TUSC3: variants seen among roughly 807,000 people sequenced by gnomAD.
The protein encoded by TUSC3 is tumor suppressor candidate 3.
In TUSC3, 45 loss-of-function variants were observed where a neutral mutation model predicts 44.8. That is an observed-to-expected ratio of 1.00 (90% CI 0.79 to 1.29). TUSC3 has a LOEUF of 1.29. Among genes scored for constraint, TUSC3 ranks in the 50% most tolerant of loss-of-function variants. The pLI, the probability that TUSC3 is intolerant of heterozygous loss-of-function variation, is 0.00. For missense variants in TUSC3, 519 were observed against 437.9 expected (o/e 1.19, Z -1.65); for synonymous variants, 212 against 152.9 (o/e 1.39, Z -2.85).
At chr8:15,500,601 T>A (rs756372340) in intron 2 of TUSC3, among the ~76,000 whole-genome samples, 1 of 152,202 alleles carries the variant, frequency 6.6e-6, no homozygotes, top group Non-Finnish European at 1.5e-5. Context: ...GAAAATGATG[T>A]AGGCACCAGT....
chr8:15,553,072 G>A (rs1802113243), intron 1 of TUSC3, among the ~76,000 whole-genome samples: 1 of 151,872 alleles, frequency 6.6e-6, no homozygotes, highest in East Asian at 1.9e-4. Flanking sequence ...TCTATTTATT[G>A]AAATAGGAAA....
chr8:15,847,162 G>A, the TUSC3 span, among the ~76,000 whole-genome samples: 2 of 152,306 alleles, frequency 1.3e-5, no homozygotes, highest in East Asian at 3.9e-4. Flanking sequence ...GGGACTGGAA[G>A]CAGGGAGAGG....
At chr8:15,661,756 A>T (rs186330689) in intron 4 of TUSC3, among the ~76,000 whole-genome samples, 1 of 151,860 alleles carries the variant, frequency 6.6e-6, no homozygotes, top group African/African-American at 2.4e-5. Context: ...AATGGGGGAA[A>T]ATATTTGCAA....
chr8:15,671,560 G>T (rs1349820243), intron 5 of TUSC3, among the ~76,000 whole-genome samples: 1 of 152,026 alleles, frequency 6.6e-6, no homozygotes, highest in African/African-American at 2.4e-5. Context: ...CACTACTTCA[G>T]ATGATTCTGT....
At chr8:15,503,811 T>C (rs1352462372) in intron 2 of TUSC3, among the ~76,000 whole-genome samples, 2 of 151,998 alleles carry the variant, frequency 1.3e-5, no homozygotes, top group African/African-American at 4.8e-5. Context: ...GAGACTAGCC[T>C]GGGCAGCATG....
In TUSC3 at chr8:15,673,777, A is replaced by G; in HGVS notation, c.739A>G (p.Met247Val). 1.2e-6 allele frequency: 2 copies of G among 1,612,870 alleles called. No homozygotes were observed. Among genetic ancestry groups the G allele is most frequent in the Non-Finnish European group, 1.7e-6 (2 of 1,179,160 alleles). Residue 247 changes from methionine to valine, a missense_variant, in exon 6 of 11, where the codon ATG (methionine) becomes GTG (valine). Coordinates refer to ENST00000503731, the MANE Select transcript of TUSC3 (RefSeq NM_006765.4). ...AGTCTTTGCTATGACTTCTGGCCAG[A>G]TGTGGAACCATATCCGTGGACCTCC... Reference protein sequence around the residue: ...CIVFAMTSGQMWNHIRGPPYA... With the variant: ...CIVFAMTSGQVWNHIRGPPYA...
chr8:15,563,698 A>AG (rs1802563926), intron 1 of TUSC3, among the ~76,000 whole-genome samples: 1 of 151,182 alleles, frequency 6.6e-6, no homozygotes, highest in Non-Finnish European at 1.5e-5. Context: ...AAAAAAAAAA[A>AG]AAAAAAAGAA....
chr8:15,778,492 A>T, the TUSC3 span, among the ~76,000 whole-genome samples: 3 of 152,088 alleles, frequency 2.0e-5, no homozygotes, highest in Non-Finnish European at 4.4e-5. Context: ...TAATACAAGC[A>T]TCTTTTCTCT....
chr8:15,797,647 T>C, the TUSC3 span, among the ~76,000 whole-genome samples: 1 of 152,278 alleles, frequency 6.6e-6, no homozygotes, highest in South Asian at 2.1e-4. Flanking sequence ...TTGTGGCAAA[T>C]GGCAGGGAAG....
the TUSC3 span, chr8:15,806,216 G>T: frequency 7.7e-6 from 4 of 520,854 alleles, no homozygotes; most frequent in Non-Finnish European, 1.5e-5. Flanking sequence ...TTTTATAAAT[G>T]GCTTCAATAA....
At chr8:15,451,894 G>C (rs1800200683) in intron 1 of TUSC3, among the ~76,000 whole-genome samples, 1 of 152,122 alleles carries the variant, frequency 6.6e-6, no homozygotes, top group African/African-American at 2.4e-5. Context: ...GTGACCAGAA[G>C]TGTTGTGAGA....
At chr8:15,516,068 A>G (rs1003794042) in intron 2 of TUSC3, among the ~76,000 whole-genome samples, 8 of 152,186 alleles carry the variant, frequency 5.3e-5, no homozygotes, top group Non-Finnish European at 1.2e-4. Flanking sequence ...AGAGGACTTC[A>G]GAAGAATGTA....
chr8:15,634,027 C>T (rs967114943), intron 2 of TUSC3, among the ~76,000 whole-genome samples: 4 of 152,144 alleles, frequency 2.6e-5, no homozygotes, highest in African/African-American at 9.7e-5. Flanking sequence ...GAGATCTCTA[C>T]TGTGATCCGA....
chr8:15,566,030 C>G (rs985932864), intron 1 of TUSC3, among the ~76,000 whole-genome samples: 2 of 152,066 alleles, frequency 1.3e-5, no homozygotes, highest in Non-Finnish European at 2.9e-5. Flanking sequence ...TTTAAACACA[C>G]CTGATTCAGA....
chr8:15,522,302 G>A (rs1428785592), intron 2 of TUSC3, among the ~76,000 whole-genome samples: 1 of 151,082 alleles, frequency 6.6e-6, no homozygotes, highest in East Asian at 1.9e-4. Flanking sequence ...GTGCTATCTT[G>A]GCTCACTGCA....
At chr8:15,556,194 C>A (rs1464743036) in intron 1 of TUSC3, among the ~76,000 whole-genome samples, 2 of 127,710 alleles carry the variant, frequency 1.6e-5, no homozygotes, top group Non-Finnish European at 3.2e-5. Flanking sequence ...GTGTGATATT[C>A]CCCTTCCTGT....
the TUSC3 span, among the ~76,000 whole-genome samples, chr8:15,851,895 C>T: frequency 6.6e-6 from 1 of 152,072 alleles, no homozygotes; most frequent in African/African-American, 2.4e-5. Flanking sequence ...GAGGATTCCC[C>T]CATACTGTTC....
At chr8:15,643,262 T>A (rs924501989) in intron 2 of TUSC3, among the ~76,000 whole-genome samples, 24 of 152,308 alleles carry the variant, frequency 1.6e-4, no homozygotes, top group African/African-American at 5.5e-4. Flanking sequence ...TACGCTGTCT[T>A]GGGTATGTCT....
intron 1 of TUSC3, among the ~76,000 whole-genome samples, chr8:15,592,532 G>T (rs1049936135): frequency 6.6e-6 from 1 of 151,990 alleles, no homozygotes; most frequent in Non-Finnish European, 1.5e-5. Context: ...AAAGGAGCCT[G>T]CCACCTCCTC....
Sources: allele counts gnomAD v4.1 joint callset (sites outside exome capture counted in the v4.1 genomes callset), GRCh38; gene constraint gnomAD v4.1.1; transcripts MANE v1.5; gene names NCBI Gene and HGNC (gene_info 2026-07-23, HGNC 2026-07-21).